SHPRH: variants seen among roughly 807,000 people sequenced by gnomAD.
SHPRH encodes E3 ubiquitin-protein ligase SHPRH.
SHPRH carries 106 observed loss-of-function variants against 202.5 expected under a neutral mutation model. The ratio of observed to expected loss-of-function variants is 0.52; its 90% CI spans 0.45 to 0.62. SHPRH has a LOEUF of 0.62. SHPRH is among the 20% of genes least tolerant of loss of function. The probability of loss-of-function intolerance (pLI) is 0.00; values close to 1 mark genes in which losing one functional copy is unlikely to be tolerated. For synonymous variants in SHPRH, 729 were observed against 686.0 expected, an observed-to-expected ratio of 1.06 and a Z score of -0.98; for missense variants, 1,710 against 2,020.0, an observed-to-expected ratio of 0.85 and a Z score of 2.94.
At position 145,943,450 on chromosome 6, in the gene SHPRH, G is replaced by T. The variant is rs1787010882; in HGVS notation, c.1931C>A (p.Pro644Gln). Reference protein sequence around the residue: ...ESLNHADSDVPPSNTMSPFNT... With the variant: ...ESLNHADSDVQPSNTMSPFNT... ...AAAGGGACTCATGGTATTAGAAGGT[G>T]GTACATCACTATCAGCATGATTTAG... The change falls in exon 9 of 30, where the codon CCA becomes CAA. Residue 644 changes from proline to glutamine, a missense_variant. Around this residue, in one of 8 missense-constraint regions of SHPRH, gnomAD observed 348 missense variants for 356.9 expected, o/e 0.97. Coordinates refer to ENST00000275233, the MANE Select transcript of SHPRH (RefSeq NM_001042683.3). 5.6e-6 allele frequency: 9 copies of T among 1,613,808 alleles called. No individual in the cohort carries two copies. Among genetic ancestry groups the T allele is most frequent in the Non-Finnish European group, 7.6e-6 (9 of 1,179,922 alleles).
At chr6:145,937,640 A>G (rs1447996710) in intron 11 of SHPRH, among the ~76,000 whole-genome samples, 2 of 152,104 alleles carry the variant, frequency 1.3e-5, no homozygotes, top group Non-Finnish European at 2.9e-5. Flanking sequence ...AAAAAAATAA[A>G]ATTCTTTAAC....
chr6:145,863,104 T>C (rs1178243004), downstream of SHPRH, among the ~76,000 whole-genome samples: 4 of 152,196 alleles, frequency 2.6e-5, no homozygotes, highest in African/African-American at 9.7e-5. Context: ...GAGCTGAGGA[T>C]ACAAAGGTGA....
At chr6:145,958,169 G>T (rs773807782) in intron 1 of SHPRH, among the ~76,000 whole-genome samples, 21 of 152,104 alleles carry the variant, frequency 1.4e-4, no homozygotes, top group Non-Finnish European at 3.1e-4. Context: ...AGTATAAAGA[G>T]GTGACTGACA....
In SHPRH at chr6:145,941,786, C is replaced by T. The variant is rs574465156; in HGVS notation, c.2327G>A (p.Arg776His). 7 of 1,613,816 alleles carry T rather than the reference C, an allele frequency of 4.3e-6. No individual in the cohort carries two copies. The highest frequency in any genetic ancestry group is 2.7e-5 in the African/African-American group (2 of 74,856). ...DIVIITYDVL[R>H]SELNYVDIPH... ...GATATCGACATAATTTAATTCTGAA[C>T]GCAGTACATCATAGGTAATGATAAC... is the stretch of plus-strand genomic sequence containing the variant. The change falls in exon 10 of 30, where the codon CGT becomes CAT. Residue 776 changes from arginine to histidine, a missense_variant. Arg to His is a conservative substitution (Grantham distance 29). Coordinates refer to ENST00000275233, the MANE Select transcript of SHPRH (RefSeq NM_001042683.3).
At chr6:145,942,711 G>T (rs1222252212) in intron 9 of SHPRH, among the ~76,000 whole-genome samples, 2 of 152,146 alleles carry the variant, frequency 1.3e-5, no homozygotes, top group Non-Finnish European at 2.9e-5. Context: ...ATAAAGATTT[G>T]CTGTATAAGT....
chr6:145,904,812 A>C (rs1406844897), intron 25 of SHPRH: 1 of 152,098 alleles, frequency 6.6e-6, no homozygotes, highest in African/African-American at 2.4e-5. Flanking sequence ...AAATTCTATA[A>C]ACTTAATTTT....
chr6:145,903,022 T>G (rs1036723148), intron 25 of SHPRH, among the ~76,000 whole-genome samples: 1 of 152,114 alleles, frequency 6.6e-6, no homozygotes, highest in Admixed American at 6.6e-5. Flanking sequence ...AAGTATTAAC[T>G]TGGCCGGTGA....
chr6:145,891,039 C>T (rs1488876143), intron 28 of SHPRH, among the ~76,000 whole-genome samples: 1 of 152,092 alleles, frequency 6.6e-6, no homozygotes, highest in African/African-American at 2.4e-5. Flanking sequence ...CCCTTCACTC[C>T]CACCCTATCA....
At chr6:145,907,817 A>C (rs1783107686) in intron 25 of SHPRH, 1 of 152,176 alleles carries the variant, frequency 6.6e-6, no homozygotes, top group Non-Finnish European at 1.5e-5. Context: ...AAACAAAAAA[A>C]CAGGATACAT....
At chr6:145,919,529 T>A in intron 21 of SHPRH, 38 bp from the exon 22 acceptor site, 2 of 1,604,638 alleles carry the variant, frequency 1.2e-6, no homozygotes, top group Non-Finnish European at 1.7e-6. Flanking sequence ...TGGTAAAGCA[T>A]GTAATTAAAA....
At position 145,943,565 on chromosome 6, in the gene SHPRH, C is replaced by T. The variant is rs762535233; in HGVS notation, c.1816G>A (p.Asp606Asn). The change falls in exon 9 of 30, where the codon GAC (aspartate) becomes AAC (asparagine). Residue 606 changes from aspartate (D) to asparagine (N), a missense_variant. By Grantham distance (23) the Asp-to-Asn change is conservative. Coordinates refer to ENST00000275233, the MANE Select transcript of SHPRH (RefSeq NM_001042683.3). ...ATAGCAACATCAGTTATTCCAGAGT[C>T]GCTAGTAGCTGGACAGTGACCTTGT... ...DSQGHCPATS[D>N]SGITDVAMSK... is the part of the protein sequence containing the mutation. 33 of 1,613,780 alleles carry T rather than the reference C, an allele frequency of 2.0e-5. No homozygotes were observed. Among genetic ancestry groups the T allele is most frequent in the Non-Finnish European group, 2.8e-5 (33 of 1,179,916 alleles).
intron 2 of SHPRH, among the ~76,000 whole-genome samples, chr6:145,878,229 C>A (rs117945700): frequency 6.6e-6 from 1 of 152,176 alleles, no homozygotes; most frequent in African/African-American, 2.4e-5. Flanking sequence ...TGCCTCCCCC[C>A]AACCCCATGC....
At chr6:145,859,523 T>C (rs1300466981), downstream of SHPRH, among the ~76,000 whole-genome samples, 1 of 152,030 alleles carries the variant, frequency 6.6e-6, no homozygotes, top group Non-Finnish European at 1.5e-5. Flanking sequence ...TTGTCTGCTT[T>C]ACAAAAGGTA....
intron 14 of SHPRH, among the ~76,000 whole-genome samples, chr6:145,927,666 T>C (rs1230146010): frequency 6.6e-6 from 1 of 151,756 alleles, no homozygotes; most frequent in Admixed American, 6.6e-5. Context: ...AAATTAAGGA[T>C]AAACTTAAGG....
At chr6:145,956,560 T>C (rs1474822557) in intron 1 of SHPRH, among the ~76,000 whole-genome samples, 1 of 152,064 alleles carries the variant, frequency 6.6e-6, no homozygotes, top group Non-Finnish European at 1.5e-5. Context: ...TAAGAAGCGC[T>C]TGGGTAGAAG....
At chr6:145,866,289 A>G (rs1409272874) in intron 2 of SHPRH, among the ~76,000 whole-genome samples, 1 of 152,184 alleles carries the variant, frequency 6.6e-6, no homozygotes, top group Non-Finnish European at 1.5e-5. Context: ...ATTCATTTTT[A>G]TATCTGTATG....
intron 1 of SHPRH, among the ~76,000 whole-genome samples, chr6:145,956,356 C>A (rs934068820): frequency 2.0e-5 from 3 of 152,062 alleles, no homozygotes; most frequent in Non-Finnish European, 4.4e-5. Flanking sequence ...AGAACAATCA[C>A]AATAAGGTAT....
intron 21 of SHPRH, 86 bp downstream of exon 21, chr6:145,921,081 A>T (rs1231034968): frequency 1.7e-6 from 2 of 1,189,668 alleles, no homozygotes; most frequent in East Asian, 2.6e-5. Context: ...GATTTTAAAA[A>T]ACTGGAGAGA....
At chr6:145,892,980 AT>A (rs1480482651) in intron 28 of SHPRH, among the ~76,000 whole-genome samples, 7 of 151,920 alleles carry the variant, frequency 4.6e-5, no homozygotes, top group South Asian at 2.1e-4. Flanking sequence ...AATTGGGACA[AT>A]TTGGGGGTTT....
Sources: gnomAD v4.1 joint callset for allele counts (sites outside exome capture counted in the v4.1 genomes callset) on GRCh38, gnomAD v4.1.1 for gene constraint, gnomAD v4.1.1 regional missense constraint, MANE v1.5 for transcripts, NCBI Gene and HGNC (gene_info 2026-07-23, HGNC 2026-07-21) for gene names.